The following PTPRU variants were observed in gnomAD, a reference collection of about 807,000 sequenced individuals.
PTPRU encodes receptor-type tyrosine-protein phosphatase U.
Under a neutral mutation model 166.3 loss-of-function variants are expected in PTPRU, and 69 were observed. The observed-to-expected ratio is 0.41, with a 90% CI of 0.34 to 0.51. The LOEUF is 0.51. Ranked by LOEUF, PTPRU falls within the 20% of genes least tolerant of loss-of-function variation. PTPRU has a pLI of 0.09. For missense variants in PTPRU, 1,657 were observed against 2,013.7 expected (o/e 0.82, Z 3.39); for synonymous variants, 793 against 814.0 (o/e 0.97, Z 0.44).
At chr1:29,319,300 G>A (rs548275111) in intron 25 of PTPRU, among the ~76,000 whole-genome samples, 56 of 151,314 alleles carry the variant, frequency 3.7e-4, no homozygotes, top group Non-Finnish European at 7.4e-4. Flanking sequence ...CTGCACATTG[G>A]GGGCCTGGAA....
chr1:29,302,974 A>G (rs1173928551), intron 15 of PTPRU, among the ~76,000 whole-genome samples: 1 of 152,238 alleles, frequency 6.6e-6, no homozygotes, highest in Non-Finnish European at 1.5e-5. Context: ...GCAATAGGCT[A>G]TGCCGTGCAG....
At chr1:29,303,069 A>G (rs974311381) in intron 15 of PTPRU, among the ~76,000 whole-genome samples, 5 of 152,174 alleles carry the variant, frequency 3.3e-5, no homozygotes, top group Admixed American at 2.6e-4. Context: ...TCACCTAACA[A>G]TGCATTTTTC....
Position 29,325,533 on chromosome 1 carries a change from C to T in PTPRU, c.4249-66C>T, listed in dbSNP as rs561687125. On this transcript the variant is annotated intron_variant, in intron 29 of 29. Transcript: ENST00000373779. ...GTGCTTGCCCTCTCACTCCCCGTTC[C>T]CCTCCCCCCACAATACTGGAGTTGG... 47 of 1,544,366 alleles carry T rather than the reference C, an allele frequency of 3.0e-5. 1 individual carries two copies. The East Asian group carries it at 6.1e-4, about 20-fold the overall frequency.
chr1:29,321,410 A>G (rs1688155413), intron 26 of PTPRU, among the ~76,000 whole-genome samples: 1 of 152,112 alleles, frequency 6.6e-6, no homozygotes, highest in Non-Finnish European at 1.5e-5. Context: ...TTTAGAATCT[A>G]TAATGACCTT....
rs900880139 is a variant in PTPRU, at chr1:29,236,785, A to G, written c.73+68A>G. ...CGGGGCCCGTGGCGTAGCTCGGAAG[A>G]AAGTGTGAGTGTTGAGTGACCGGGC... On this transcript the variant is annotated intron_variant, in intron 1 of 29. Transcript: ENST00000373779. This position sits in a 1 kb window ranked among gnomAD's most constrained non-coding sequence, Gnocchi z 4.6. The G allele has an allele frequency of 7.7e-7, 1 of 1,295,904 alleles. No homozygotes were observed. Among genetic ancestry groups the G allele is most frequent in the Non-Finnish European group, 9.9e-7 (1 of 1,008,300 alleles). 80.3% of individuals were successfully genotyped at this position (1,295,904 alleles called of 1,614,324 possible). A position where few individuals can be genotyped will look rare whatever the true frequency, so the allele number is the denominator to read the frequency against.
At chr1:29,299,773 TCCATCTC>T (rs1687055472) in intron 15 of PTPRU, among the ~76,000 whole-genome samples, 1 of 152,216 alleles carries the variant, frequency 6.6e-6, no homozygotes, top group African/African-American at 2.4e-5. Context: ...CGAGGGCTTC[TCCATCTC>T]GCCAGTTTCT....
intron 22 of PTPRU, among the ~76,000 whole-genome samples, chr1:29,313,855 TA>T (rs200778611): frequency 0.015 from 2,287 of 151,938 alleles, 69 homozygotes; most frequent in African/African-American, 0.052. Context: ...ACTCTGCCTC[TA>T]AAAAAAAATT....
At chr1:29,283,259 C>T (rs1273648337) in intron 12 of PTPRU, among the ~76,000 whole-genome samples, 2 of 150,088 alleles carry the variant, frequency 1.3e-5, no homozygotes, top group African/African-American at 2.5e-5. Flanking sequence ...ATAGAGCCAC[C>T]CCCACGGCCC....
At position 29,260,634 on chromosome 1, in the gene PTPRU, C is replaced by CA; in HGVS notation, c.876dup (p.Gln293ThrfsTer31). ...GAGCCCCCAACTCCCATCGCGCCCC[C>CA]ACAGCTGCTGCGTGCTGGCCCCACC... is the stretch of plus-strand genomic sequence containing the variant. On this transcript the variant is annotated frameshift_variant, in exon 7 of 30. Coordinates refer to ENST00000373779, the MANE Select transcript of PTPRU (RefSeq NM_133178.4). LOFTEE classifies it high-confidence loss of function. This position sits in a 1 kb window ranked among gnomAD's most constrained non-coding sequence, Gnocchi z 8.3. 1 of 1,503,590 alleles carries CA rather than the reference C, an allele frequency of 6.7e-7. No homozygotes were observed. The allele number at this position is 1,503,590 out of a possible 1,614,324, so 93.1% of individuals were successfully genotyped here. A position where few individuals can be genotyped will look rare whatever the true frequency, so the allele number is the denominator to read the frequency against.
chr1:29,259,522 G>A lies in PTPRU; in HGVS notation c.633G>A (p.Met211Ile). Reference sequence around the variant, plus strand: ...GCCAGAACGCGTCGTTCCAGTGCATGGCCGCGGGCAGAGCGGCCGAGGCCG... The same window carrying A: ...GCCAGAACGCGTCGTTCCAGTGCATAGCCGCGGGCAGAGCGGCCGAGGCCG... Reference protein sequence around the residue: ...NAGQNASFQCMAAGRAAEAER... With the variant: ...NAGQNASFQCIAAGRAAEAER... Residue 211 changes from methionine to isoleucine, a missense_variant, in exon 5 of 30, where the codon ATG becomes ATA. By Grantham distance (10) the Met-to-Ile change is conservative (BLOSUM62 1). Coordinates refer to ENST00000373779, the MANE Select transcript of PTPRU (RefSeq NM_133178.4). The A allele has an allele frequency of 1.2e-6, 2 of 1,610,104 alleles. No homozygotes were observed. Among genetic ancestry groups the A allele is most frequent in the Non-Finnish European group, 1.7e-6 (2 of 1,177,788 alleles).
rs1315371999 is a variant in PTPRU at position 29,238,046 on chromosome 1, C to T, written c.73+1329C>T. On this transcript the variant is annotated intron_variant, in intron 1 of 29. Coordinates refer to ENST00000373779, the MANE Select transcript of PTPRU (RefSeq NM_133178.4). The surrounding 1 kb of genome is among the most constrained non-coding windows in gnomAD (Gnocchi z 6.1). The stretch of plus-strand genomic sequence containing the variant: ...CTGCAACTTTGTGCGGCCTCCCGGC[C>T]GGCCGGGACCGCCAGGTGTGTGCTT... Among the ~76,000 whole-genome samples, 3 of 151,492 alleles carry T rather than the reference C, an allele frequency of 2.0e-5. No homozygotes were observed. The highest frequency in any genetic ancestry group is 2.0e-4 in the Admixed American group (3 of 15,246).
intron 1 of PTPRU, among the ~76,000 whole-genome samples, chr1:29,245,551 G>C (rs879568490): frequency 6.6e-6 from 1 of 152,210 alleles, no homozygotes; most frequent in Non-Finnish European, 1.5e-5. Flanking sequence ...GCACAGCCCT[G>C]TGTCTCAGCC....
At chr1:29,245,409 G>A (rs1684251153) in intron 1 of PTPRU, among the ~76,000 whole-genome samples, 1 of 152,076 alleles carries the variant, frequency 6.6e-6, no homozygotes, top group African/African-American at 2.4e-5. Context: ...GTTTTCCAGG[G>A]ATCTGAGCTC....
In PTPRU at chr1:29,275,634, G is replaced by A; in HGVS notation, c.1331G>A (p.Gly444Asp). Residue 444 changes from glycine to aspartate, a missense_variant, in exon 8 of 30, where the codon GGT (glycine) becomes GAT (aspartate). Physicochemically the swap from Gly to Asp is moderately conservative, Grantham distance 94 (BLOSUM62 -1). Coordinates refer to ENST00000373779, the MANE Select transcript of PTPRU (RefSeq NM_133178.4). ...CGAGAGTGTGTGAAGACAGAGCAAGGTGTCAGCCGCTACACCATCAAGAAC... is the reference window on the plus strand; with the variant it reads ...CGAGAGTGTGTGAAGACAGAGCAAGATGTCAGCCGCTACACCATCAAGAAC... ...TIRECVKTEQ[G>D]VSRYTIKNLL... is the part of the protein sequence containing the mutation. 11 of 1,614,172 alleles carry A rather than the reference G, an allele frequency of 6.8e-6. No homozygotes were observed. Among genetic ancestry groups the A allele is most frequent in the Non-Finnish European group, 8.5e-6 (10 of 1,180,034 alleles).
Position 29,320,861 on chromosome 1 carries a change from G to C in PTPRU, c.3828+36G>C. ...CACTGGCCAGGCCAATGGGCCGCCT[G>C]CTCCCAGGTCCTCTGTGTATTCAGG... On this transcript the variant is annotated intron_variant, in intron 26 of 29. Coordinates refer to ENST00000373779, the MANE Select transcript of PTPRU (RefSeq NM_133178.4). This position sits in a 1 kb window ranked among gnomAD's most constrained non-coding sequence, Gnocchi z 5.2. 1 of 1,514,508 alleles carries C rather than the reference G, an allele frequency of 6.6e-7. No individual in the cohort carries two copies. Among genetic ancestry groups the C allele is most frequent in the South Asian group, 1.3e-5 (1 of 76,274 alleles). The allele number at this position is 1,514,508 out of a possible 1,614,324, so 93.8% of individuals were successfully genotyped here.
At position 29,237,830 on chromosome 1, in the gene PTPRU, G is replaced by A. The variant is rs1020273271; in HGVS notation, c.73+1113G>A. Among the ~76,000 whole-genome samples the A allele has an allele frequency of 6.8e-6, 1 of 146,112 alleles. No individual in the cohort carries two copies. The highest frequency in any genetic ancestry group is 6.8e-5 in the Admixed American group (1 of 14,730). Reference sequence around the variant, plus strand: ...CGGGCGGGCAGGGGAGGGCCGGACCGGCGGGCGCTCCTGCGGTGGCCGGGC... The same window carrying A: ...CGGGCGGGCAGGGGAGGGCCGGACCAGCGGGCGCTCCTGCGGTGGCCGGGC... On this transcript the variant is annotated intron_variant, in intron 1 of 29. Transcript: ENST00000373779. The surrounding 1 kb of genome is among the most constrained non-coding windows in gnomAD (Gnocchi z 6.4).
rs530291320 is a variant in PTPRU, at chr1:29,291,148, C to G, written c.2319-721C>G. On this transcript the variant is annotated intron_variant, in intron 14 of 29. Transcript: ENST00000373779. This position sits in a 1 kb window ranked among gnomAD's most constrained non-coding sequence, Gnocchi z 4.1. ...CTGGGCCTGGAGGGAGAGGAGGTCT[C>G]TCTTTCTCTTCCCTGCTGCTCTGAG... Among the ~76,000 whole-genome samples the G allele has an allele frequency of 2.6e-5, 4 of 152,042 alleles. No individual in the cohort carries two copies. The highest frequency in any genetic ancestry group is 1.3e-4 in the Admixed American group (2 of 15,288).
Position 29,238,588 on chromosome 1 carries a change from G to C in PTPRU, c.73+1871G>C, listed in dbSNP as rs575541030. ...GCGTTCGCGCCGGCCACTGGCCAGC[G>C]CTTGGGCCTCGCCCTGCAGCTCCGG... is the stretch of plus-strand genomic sequence containing the variant. On this transcript the variant is annotated intron_variant, in intron 1 of 29. Transcript: ENST00000373779. The surrounding 1 kb of genome is among the most constrained non-coding windows in gnomAD (Gnocchi z 6.1). Among the ~76,000 whole-genome samples, 5 of 152,202 alleles carry C rather than the reference G, an allele frequency of 3.3e-5. No individual in the cohort carries two copies. The highest frequency in any genetic ancestry group is 4.8e-5 in the African/African-American group (2 of 41,456).
chr1:29,326,039 A>G lies in PTPRU; in HGVS notation c.*378A>G, dbSNP rs1034494169. The G allele has an allele frequency of 2.4e-6, 1 of 409,676 alleles. No homozygotes were observed. The highest frequency in any genetic ancestry group is 2.1e-5 in the African/African-American group (1 of 48,704). The allele number at this position is 409,676 out of a possible 1,614,324, so 25.4% of individuals were successfully genotyped here. On this transcript the variant is annotated 3_prime_UTR_variant, in exon 30 of 30. Transcript: ENST00000373779. ...TTGGCAGGGATGAGTGAGGCCCTGC[A>G]GAGAGCATCCCAGGCCAAGGTTCCC...
Sources: allele counts gnomAD v4.1 joint callset (sites outside exome capture counted in the v4.1 genomes callset), GRCh38; gene constraint gnomAD v4.1.1; non-coding constraint Gnocchi (gnomAD v3.1); transcripts MANE v1.5; gene names NCBI Gene and HGNC (gene_info 2026-07-23, HGNC 2026-07-21).